The following GRB10 variants were observed in gnomAD, a reference collection of about 807,000 sequenced individuals.
GRB10 encodes growth factor receptor-bound protein 10.
A neutral mutation model predicts 80.9 loss-of-function variants in GRB10; 20 were observed. That is an observed-to-expected ratio of 0.25 (90% CI 0.17 to 0.36). The LOEUF (loss-of-function observed/expected upper bound fraction) is 0.36. Ranked by LOEUF, GRB10 falls within the 10% of genes least tolerant of loss-of-function variation. The pLI is 1.00. For missense variants in GRB10, 548 were observed against 747.7 expected, an observed-to-expected ratio of 0.73 and a Z score of 3.12; for synonymous variants, 291 against 291.5, an observed-to-expected ratio of 1.00 and a Z score of 0.02.
At chr7:50,708,492 G>A (rs2153672181) in intron 4 of GRB10, among the ~76,000 whole-genome samples, 1 of 152,256 alleles carries the variant, frequency 6.6e-6, no homozygotes, top group East Asian at 1.9e-4. Flanking sequence ...ACCATTCAGA[G>A]GCAAACAGTG....
At chr7:50,634,037 G>T (rs1274279385) in intron 7 of GRB10, among the ~76,000 whole-genome samples, 1 of 152,170 alleles carries the variant, frequency 6.6e-6, no homozygotes, top group Non-Finnish European at 1.5e-5. Flanking sequence ...GAAATTCAGA[G>T]AACCCATTAG....
At chr7:50,599,203 T>C (rs1303315819) in intron 17 of GRB10, among the ~76,000 whole-genome samples, 1 of 152,146 alleles carries the variant, frequency 6.6e-6, no homozygotes, top group African/African-American at 2.4e-5. Flanking sequence ...GGGAGCTGCC[T>C]GGATCCTGGG....
upstream of GRB10, among the ~76,000 whole-genome samples, chr7:50,784,559 C>T (rs889101996): frequency 6.6e-6 from 1 of 152,224 alleles, no homozygotes; most frequent in Non-Finnish European, 1.5e-5. Context: ...CCCTCTATTA[C>T]AAAATGCCAG....
chr7:50,654,357 C>T (rs1160701291), intron 7 of GRB10, among the ~76,000 whole-genome samples: 1 of 152,186 alleles, frequency 6.6e-6, no homozygotes, highest in African/African-American at 2.4e-5. Flanking sequence ...AATAAATATT[C>T]TCCTGCCTTC....
intron 4 of GRB10, among the ~76,000 whole-genome samples, chr7:50,706,027 T>C (rs73122773): frequency 0.072 from 11,000 of 152,328 alleles, 631 homozygotes; most frequent in South Asian, 0.12. Flanking sequence ...GTCTGCTCTT[T>C]GGCATCTGAA....
chr7:50,681,748 C>T (rs1217748031), intron 5 of GRB10, among the ~76,000 whole-genome samples: 2 of 152,212 alleles, frequency 1.3e-5, no homozygotes, highest in Non-Finnish European at 2.9e-5. Flanking sequence ...ATTTGACATG[C>T]TTTCTTCAAG....
intron 2 of GRB10, among the ~76,000 whole-genome samples, chr7:50,776,938 CT>C (rs2077717938): frequency 6.6e-6 from 1 of 152,170 alleles, no homozygotes; most frequent in Non-Finnish European, 1.5e-5. Flanking sequence ...GAAATTTAGG[CT>C]TTTTCTAGCA....
In GRB10 at chr7:50,777,427, T is replaced by TAC. The variant is rs1165846037; in HGVS notation, c.-217+3199_-217+3200insGT. On this transcript the variant is annotated intron_variant, in intron 2 of 18. Coordinates refer to ENST00000401949, the MANE Select transcript of GRB10 (RefSeq NM_001350814.2). Reference sequence around the variant, plus strand: ...GATACATTCAGACCACAGCAATCTGTATACACACACACACACACACACACA... The same window carrying TAC: ...GATACATTCAGACCACAGCAATCTGTACATACACACACACACACACACACACA... 1.2e-4 allele frequency among the ~76,000 whole-genome samples: 3 copies of TAC among 24,436 alleles called. 1 individual carries two copies. The South Asian group carries it at 3.5e-3, about 28-fold the overall frequency. 16.0% of individuals were successfully genotyped at this position (24,436 alleles called of 152,430 possible).
At chr7:50,704,674 C>A (rs1490705960) in intron 4 of GRB10, among the ~76,000 whole-genome samples, 1 of 152,196 alleles carries the variant, frequency 6.6e-6, no homozygotes, top group Admixed American at 6.5e-5. Flanking sequence ...AATACATTGT[C>A]ACAAATATCA....
chr7:50,656,264 G>A (rs2058635950), intron 7 of GRB10, among the ~76,000 whole-genome samples: 1 of 152,224 alleles, frequency 6.6e-6, no homozygotes, highest in Non-Finnish European at 1.5e-5. Flanking sequence ...CAAGGTCCTT[G>A]CTTGCTATCG....
chr7:50,765,420 CCAA>C (rs1278962493), intron 2 of GRB10, among the ~76,000 whole-genome samples: 5 of 152,130 alleles, frequency 3.3e-5, no homozygotes, highest in African/African-American at 1.2e-4. Context: ...ATCTAAGTGT[CCAA>C]CAACAATGAA....
At chr7:50,731,909 G>C (rs192060723) in intron 4 of GRB10, among the ~76,000 whole-genome samples, 3 of 152,202 alleles carry the variant, frequency 2.0e-5, no homozygotes, top group Non-Finnish European at 4.4e-5. Flanking sequence ...TGCAGAACCC[G>C]TCATCAGGAG....
intron 4 of GRB10, among the ~76,000 whole-genome samples, chr7:50,708,001 A>C (rs2065278724): frequency 6.6e-6 from 1 of 152,252 alleles, no homozygotes; most frequent in African/African-American, 2.4e-5. Context: ...CACCAGATTT[A>C]GCAAATACAA....
rs972110705 is a variant in GRB10 at position 50,618,433 on chromosome 7, C to T, written c.778-294G>A. Among the ~76,000 whole-genome samples, 5 of 152,336 alleles carry T rather than the reference C, an allele frequency of 3.3e-5. No individual in the cohort carries two copies. The South Asian group carries it at 1.0e-3, about 32-fold the overall frequency. On this transcript the variant is annotated intron_variant, in intron 9 of 18. Transcript: ENST00000401949. ...AAAGAGCGATGCCAGCGTCCCAGCC[C>T]AGTGGCACAAGTGCACAGCGTGAGA...
intron 2 of GRB10, among the ~76,000 whole-genome samples, chr7:50,773,384 AGGGAAG>A (rs2077178219): frequency 8.4e-6 from 1 of 118,862 alleles, no homozygotes; most frequent in African/African-American, 3.0e-5. Flanking sequence ...CGGAATGGGA[AGGGAAG>A]GGGAAGGGAA....
chr7:50,730,975 C>A (rs1418971592), intron 4 of GRB10, among the ~76,000 whole-genome samples: 2 of 152,166 alleles, frequency 1.3e-5, no homozygotes, highest in East Asian at 3.8e-4. Flanking sequence ...AGGGTGCAGT[C>A]GGGCCCGGAC....
At chr7:50,694,868 A>T (rs1158618336) in intron 5 of GRB10, among the ~76,000 whole-genome samples, 1 of 152,236 alleles carries the variant, frequency 6.6e-6, no homozygotes, top group South Asian at 2.1e-4. Context: ...TAAGCCAATA[A>T]CAAAAACACA....
intron 4 of GRB10, among the ~76,000 whole-genome samples, chr7:50,730,465 A>G (rs775305565): frequency 1.3e-5 from 2 of 152,248 alleles, no homozygotes; most frequent in Non-Finnish European, 2.9e-5. Context: ...ATTGTAAATC[A>G]TCCCATATTC....
chr7:50,606,654 G>A (rs2048586950), intron 13 of GRB10: 7 of 549,420 alleles, frequency 1.3e-5, no homozygotes, highest in Non-Finnish European at 6.5e-6. Flanking sequence ...CCTACTAGTG[G>A]CCTACTGTTG....
Sources: allele counts gnomAD v4.1 joint callset (sites outside exome capture counted in the v4.1 genomes callset), GRCh38; gene constraint gnomAD v4.1.1; transcripts MANE v1.5; gene names NCBI Gene and HGNC (gene_info 2026-07-23, HGNC 2026-07-21).